FRMD4B: variants seen among roughly 807,000 people sequenced by gnomAD.
FRMD4B encodes FERM domain-containing protein 4B.
FRMD4B carries 74 observed loss-of-function variants against 141.5 expected under a neutral mutation model. The observed-to-expected ratio is 0.52, with a 90% CI of 0.43 to 0.63. The LOEUF (loss-of-function observed/expected upper bound fraction) is 0.63, where lower values mean the gene tolerates loss of function less well. Ranked by LOEUF, FRMD4B falls within the 30% of genes least tolerant of loss-of-function variation. The pLI is 0.00. For missense variants in FRMD4B, 1,366 were observed against 1,253.4 expected, an observed-to-expected ratio of 1.09 and a Z score of -1.36; for synonymous variants, 506 against 467.9, an observed-to-expected ratio of 1.08 and a Z score of -1.05.
intron 1 of FRMD4B, among the ~76,000 whole-genome samples, chr3:69,328,112 T>C (rs1437557181): frequency 6.6e-6 from 1 of 152,218 alleles, no homozygotes; most frequent in Non-Finnish European, 1.5e-5. Context: ...AGAATGGTGG[T>C]GGAGAGCTGG....
intron 2 of FRMD4B, among the ~76,000 whole-genome samples, chr3:69,422,354 T>C (rs1350596352): frequency 2.1e-5 from 3 of 140,924 alleles, no homozygotes; most frequent in African/African-American, 8.0e-5. Flanking sequence ...GCCACTGCAC[T>C]CCAGCCTGAG....
At chr3:69,462,844 T>C (rs1233388000) in intron 1 of FRMD4B, among the ~76,000 whole-genome samples, 2 of 152,198 alleles carry the variant, frequency 1.3e-5, no homozygotes, top group South Asian at 2.1e-4. Flanking sequence ...TCTCTCCCCC[T>C]GCACTGCTCA....
At chr3:69,198,810 T>C (rs2092935548) in intron 11 of FRMD4B, 36 bp from the exon 12 acceptor site, 1 of 1,019,262 alleles carries the variant, frequency 9.8e-7, no homozygotes, top group Non-Finnish European at 1.5e-6. Context: ...GTATTATTTA[T>C]GCTTATTTTT....
intron 2 of FRMD4B, among the ~76,000 whole-genome samples, chr3:69,412,459 C>T (rs1318207176): frequency 1.3e-5 from 2 of 151,842 alleles, no homozygotes; most frequent in Non-Finnish European, 2.9e-5. Flanking sequence ...CAGAGGGGAC[C>T]GAAAGTAGGT....
intron 1 of FRMD4B, chr3:69,323,021 G>A: frequency 1.0e-6 from 1 of 976,926 alleles, no homozygotes; most frequent in Non-Finnish European, 1.2e-6. Flanking sequence ...TACATCTCTT[G>A]CAGGTTCACT....
chr3:69,458,333 C>A lies in FRMD4B; in HGVS notation c.-128-25572G>T, dbSNP rs371502202. On this transcript the variant is annotated intron_variant, in intron 1 of 5. Transcript: ENST00000459638. ...ATAGACACAGTCTATGCTCACAGAGCATGAGGCATTAAACAACGATTATGC... is the reference window on the plus strand; with the variant it reads ...ATAGACACAGTCTATGCTCACAGAGAATGAGGCATTAAACAACGATTATGC... 7.2e-5 allele frequency among the ~76,000 whole-genome samples: 11 copies of A among 152,214 alleles called. No homozygotes were observed. In the East Asian group the frequency reaches 7.7e-4, roughly 11 times the overall value.
At position 69,224,749 on chromosome 3, in the gene FRMD4B, C is replaced by T. The variant is rs111479378; in HGVS notation, c.582-59G>A. 470 of 796,534 alleles carry T rather than the reference C, an allele frequency of 5.9e-4. 2 individuals are homozygous for T. The African/African-American group carries it at 6.0e-3, about 10-fold the overall frequency. The allele number at this position is 796,534 out of a possible 1,614,324, so 49.3% of individuals were successfully genotyped here. Reference sequence around the variant, plus strand: ...CTGTTATCCAAAAAATTATGCAAGCCGGTCACCAAATGAATTAGATTAAAA... The same window carrying T: ...CTGTTATCCAAAAAATTATGCAAGCTGGTCACCAAATGAATTAGATTAAAA... On this transcript the variant is annotated intron_variant, in intron 7 of 22. Transcript: ENST00000398540.
intron 1 of FRMD4B, among the ~76,000 whole-genome samples, chr3:69,474,268 C>T (rs915067053): frequency 6.6e-6 from 1 of 152,050 alleles, no homozygotes; most frequent in Non-Finnish European, 1.5e-5. Context: ...TAGATAGCTC[C>T]CAGAATTAAA....
chr3:69,225,519 CAAAAAAAAAAAAA>C (rs35855787), intron 7 of FRMD4B, among the ~76,000 whole-genome samples: 8 of 50,578 alleles, frequency 1.6e-4, no homozygotes, highest in African/African-American at 6.0e-4. Flanking sequence ...ACTAAAAATA[CAAAAAAAAAAAAA>C]AAAAAAAAAA....
At chr3:69,510,485 CG>C (rs1427007517) in intron 1 of FRMD4B, among the ~76,000 whole-genome samples, 1 of 152,118 alleles carries the variant, frequency 6.6e-6, no homozygotes, top group Non-Finnish European at 1.5e-5. Flanking sequence ...AGAACTTAGA[CG>C]AAGTTCGGGT....
At chr3:69,189,788 T>C (rs2107628613) in intron 18 of FRMD4B, 108 bp downstream of exon 18, 1 of 702,492 alleles carries the variant, frequency 1.4e-6, no homozygotes, top group East Asian at 2.7e-5. Flanking sequence ...TAGTTTATTC[T>C]ACTTTTTCTC....
At chr3:69,176,458 A>AT in intron 22 of FRMD4B, 66 bp downstream of exon 22, 1 of 1,386,702 alleles carries the variant, frequency 7.2e-7, no homozygotes, top group Non-Finnish European at 1.0e-6. Context: ...ACGTTTGTAA[A>AT]TTAGGATCCC....
intron 1 of FRMD4B, among the ~76,000 whole-genome samples, chr3:69,359,962 C>T (rs1038679424): frequency 5.9e-5 from 9 of 152,162 alleles, no homozygotes; most frequent in African/African-American, 2.2e-4. Flanking sequence ...AGGATTTGAA[C>T]CCAGGGCCCA....
intron 5 of FRMD4B, among the ~76,000 whole-genome samples, chr3:69,271,577 T>C (rs2093594487): frequency 7.1e-6 from 1 of 141,192 alleles, no homozygotes. Flanking sequence ...TTAATGCTCA[T>C]ATTAAAGACA....
At chr3:69,243,703 A>G (rs1231649006) in intron 7 of FRMD4B, among the ~76,000 whole-genome samples, 2 of 152,176 alleles carry the variant, frequency 1.3e-5, no homozygotes, top group African/African-American at 2.4e-5. Context: ...TTCAATGGAG[A>G]TAATAGCTAA....
At chr3:69,233,374 C>T (rs2093323866) in intron 7 of FRMD4B, among the ~76,000 whole-genome samples, 2 of 151,058 alleles carry the variant, frequency 1.3e-5, no homozygotes. Context: ...GTCCCAGGTA[C>T]TTGGAAGGAT....
intron 22 of FRMD4B, among the ~76,000 whole-genome samples, chr3:69,172,628 G>C (rs1009208031): frequency 3.3e-5 from 5 of 152,172 alleles, no homozygotes; most frequent in Non-Finnish European, 7.3e-5. Context: ...GGTGGCAGGG[G>C]CACATAGGGA....
rs369704219 is a variant in FRMD4B, at chr3:69,494,310, T to A, written c.-129+47896A>T. ...TGTGGTCACTAGGCTGAGGAGATGA[T>A]TGGGCACGAGATCCAGCTCTGCAAG... On this transcript the variant is annotated intron_variant, in intron 1 of 5. Transcript: ENST00000459638. Among the ~76,000 whole-genome samples, 23 of 152,164 alleles carry A rather than the reference T, an allele frequency of 1.5e-4. No homozygotes were observed. The East Asian group carries it at 1.5e-3, about 10-fold the overall frequency.
intron 7 of FRMD4B, among the ~76,000 whole-genome samples, chr3:69,248,610 C>T (rs1423633169): frequency 6.6e-6 from 1 of 152,210 alleles, no homozygotes; most frequent in Non-Finnish European, 1.5e-5. Flanking sequence ...GAAGCATTGC[C>T]TCCACCCTTT....
Sources: allele counts gnomAD v4.1 joint callset (sites outside exome capture counted in the v4.1 genomes callset), GRCh38; gene constraint gnomAD v4.1.1; transcripts MANE v1.5; gene names NCBI Gene and HGNC (gene_info 2026-07-23, HGNC 2026-07-21).